Variants in CNTNAP2 observed in about 807,000 individuals in gnomAD.
CNTNAP2 encodes contactin-associated protein-like 2.
A neutral mutation model predicts 155.2 loss-of-function variants in CNTNAP2; 98 were observed. The ratio of observed to expected loss-of-function variants is 0.63; its 90% CI spans 0.54 to 0.75. CNTNAP2 has a LOEUF of 0.75. Ranked by LOEUF, CNTNAP2 falls within the 30% of genes least tolerant of loss-of-function variation. CNTNAP2 has a pLI of 0.00. For synonymous variants in CNTNAP2, 651 were observed against 631.2 expected (o/e 1.03, Z -0.47); for missense variants, 1,727 against 1,688.1 (o/e 1.02, Z -0.40).
At chr7:148,147,051 T>C (rs557394864) in intron 16 of CNTNAP2, among the ~76,000 whole-genome samples, 12 of 152,252 alleles carry the variant, frequency 7.9e-5, no homozygotes, top group Admixed American at 7.2e-4. Flanking sequence ...TATGAATCAC[T>C]TCCCAAGGAG....
chr7:146,626,291 A>G (rs910137145), intron 1 of CNTNAP2, among the ~76,000 whole-genome samples: 5 of 152,148 alleles, frequency 3.3e-5, no homozygotes, highest in East Asian at 3.8e-4. Flanking sequence ...TCAGTTGCTT[A>G]ATTAATGGTA....
At chr7:147,363,445 T>C (rs1430459280) in intron 9 of CNTNAP2, among the ~76,000 whole-genome samples, 1 of 152,226 alleles carries the variant, frequency 6.6e-6, no homozygotes, top group Non-Finnish European at 1.5e-5. Context: ...TGTCACCCCG[T>C]ATAAAGACAG....
chr7:147,560,773 A>G (rs1800048314), intron 11 of CNTNAP2, among the ~76,000 whole-genome samples: 1 of 150,342 alleles, frequency 6.7e-6, no homozygotes, highest in Non-Finnish European at 1.5e-5. Context: ...GGAAGAAGAA[A>G]TGGGTAGATC....
Position 147,235,345 on chromosome 7 carries a change from GGTGT to G in CNTNAP2, c.1349-64763_1349-64760del, listed in dbSNP as rs60072934. On this transcript the variant is annotated intron_variant, in intron 8 of 23. Transcript: ENST00000361727. ...ACCTTTTTATAGAGATGGAGTTTTTGGTGTGTGTGTGTGTGTGTGTGTGTGTGTG... is the reference window on the plus strand; with the variant it reads ...ACCTTTTTATAGAGATGGAGTTTTTGGTGTGTGTGTGTGTGTGTGTGTGTG... Among the ~76,000 whole-genome samples the G allele has an allele frequency of 5.7e-3, 799 of 140,962 alleles. 3 individuals are homozygous for G. The highest frequency in any genetic ancestry group is 0.017 in the African/African-American group (645 of 37,574). 92.5% of individuals were successfully genotyped at this position (140,962 alleles called of 152,430 possible).
chr7:147,403,127 T>C (rs1462441708), intron 10 of CNTNAP2, among the ~76,000 whole-genome samples: 2 of 152,176 alleles, frequency 1.3e-5, no homozygotes, highest in Non-Finnish European at 2.9e-5. Context: ...TGGGTCCCCA[T>C]GACTGCTTAT....
At chr7:146,795,183 C>A (rs1278900433) in intron 2 of CNTNAP2, among the ~76,000 whole-genome samples, 1 of 152,132 alleles carries the variant, frequency 6.6e-6, no homozygotes, top group African/African-American at 2.4e-5. Context: ...CCTTATATAG[C>A]TTAGTGGAGA....
intron 1 of CNTNAP2, among the ~76,000 whole-genome samples, chr7:146,244,274 T>G (rs972327598): frequency 2.0e-5 from 3 of 152,074 alleles, no homozygotes; most frequent in African/African-American, 7.2e-5. Flanking sequence ...GGTATCAGCT[T>G]TGATGACTTG....
chr7:146,844,499 A>G (rs556722304), intron 3 of CNTNAP2, among the ~76,000 whole-genome samples: 2 of 151,640 alleles, frequency 1.3e-5, no homozygotes, highest in East Asian at 3.9e-4. Context: ...TTTCCTAAGT[A>G]TAATCTGTTA....
At chr7:148,084,687 T>C (rs2116553507) in intron 15 of CNTNAP2, among the ~76,000 whole-genome samples, 1 of 152,330 alleles carries the variant, frequency 6.6e-6, no homozygotes, top group Middle Eastern at 3.4e-3. Context: ...AATTTAATAA[T>C]ATGACAGGTC....
intron 13 of CNTNAP2, among the ~76,000 whole-genome samples, chr7:147,737,089 A>G (rs1796865324): frequency 6.6e-6 from 1 of 152,156 alleles, no homozygotes; most frequent in African/African-American, 2.4e-5. Flanking sequence ...TTGGAGGTGG[A>G]GAGGCGCTCT....
At chr7:146,647,828 C>T (rs1466676655) in intron 1 of CNTNAP2, among the ~76,000 whole-genome samples, 1 of 152,140 alleles carries the variant, frequency 6.6e-6, no homozygotes, top group Admixed American at 6.5e-5. Context: ...AAATCTTTTA[C>T]TCTACTAATC....
At chr7:147,222,458 T>G (rs1408677203) in intron 8 of CNTNAP2, among the ~76,000 whole-genome samples, 2 of 152,188 alleles carry the variant, frequency 1.3e-5, no homozygotes, top group Non-Finnish European at 2.9e-5. Context: ...TCTCTCTGCT[T>G]ACTTTACCTA....
chr7:148,005,986 T>C (rs897413688), intron 15 of CNTNAP2, among the ~76,000 whole-genome samples: 2 of 152,188 alleles, frequency 1.3e-5, no homozygotes, highest in African/African-American at 4.8e-5. Context: ...TCTATGACCC[T>C]TCCAGACAGC....
intron 20 of CNTNAP2, among the ~76,000 whole-genome samples, chr7:148,244,199 T>C (rs1796212749): frequency 6.6e-6 from 1 of 152,188 alleles, no homozygotes. Flanking sequence ...TGTTTTATTT[T>C]GTCGTTTTGG....
chr7:148,109,699 A>G (rs1031767679), intron 15 of CNTNAP2, among the ~76,000 whole-genome samples: 1 of 152,150 alleles, frequency 6.6e-6, no homozygotes, highest in African/African-American at 2.4e-5. Context: ...GTACAGGGAG[A>G]ACACCTGGAA....
intron 14 of CNTNAP2, among the ~76,000 whole-genome samples, chr7:147,953,990 C>T (rs1800979896): frequency 6.6e-6 from 1 of 151,980 alleles, no homozygotes; most frequent in African/African-American, 2.4e-5. Flanking sequence ...TTTTGGAAGA[C>T]ACAGTTCTAC....
intron 20 of CNTNAP2, among the ~76,000 whole-genome samples, chr7:148,240,936 C>G (rs2116798171): frequency 6.6e-6 from 1 of 152,324 alleles, no homozygotes; most frequent in African/African-American, 2.4e-5. Flanking sequence ...CCTAGCTGCA[C>G]TGGCAGCTGA....
At chr7:146,856,459 A>G (rs777149980) in intron 3 of CNTNAP2, among the ~76,000 whole-genome samples, 2 of 152,146 alleles carry the variant, frequency 1.3e-5, no homozygotes, top group Non-Finnish European at 2.9e-5. Context: ...TCAAGTCATC[A>G]TTTGCAACCA....
intron 21 of CNTNAP2, among the ~76,000 whole-genome samples, chr7:148,333,746 A>C (rs1363604334): frequency 6.6e-6 from 1 of 152,214 alleles, no homozygotes; most frequent in East Asian, 1.9e-4. Context: ...CAGTCAGAAG[A>C]GATGCCACGA....
Sources: allele counts gnomAD v4.1 joint callset (sites outside exome capture counted in the v4.1 genomes callset), GRCh38; gene constraint gnomAD v4.1.1; transcripts MANE v1.5; gene names NCBI Gene and HGNC (gene_info 2026-07-23, HGNC 2026-07-21).